The following SOX6 variants were observed in gnomAD, a reference collection of about 807,000 sequenced individuals.
SOX6 encodes SRY-box transcription factor 6.
A neutral mutation model predicts 97.8 loss-of-function variants in SOX6; 11 were observed. The observed-to-expected ratio is 0.11, with a 90% CI of 0.07 to 0.19. SOX6 has a LOEUF of 0.19. Ranked by LOEUF, SOX6 falls within the 10% of genes least tolerant of loss-of-function variation. The probability of loss-of-function intolerance (pLI) is 1.00; values close to 1 mark genes in which losing one functional copy is unlikely to be tolerated. For missense variants in SOX6, 810 were observed against 1,039.5 expected (o/e 0.78, Z 3.04); for synonymous variants, 360 against 371.4 (o/e 0.97, Z 0.35).
chr11:16,655,720 C>T (rs922560413), intron 3 of SOX6, among the ~76,000 whole-genome samples: 7 of 152,126 alleles, frequency 4.6e-5, no homozygotes, highest in Non-Finnish European at 8.8e-5. Context: ...CTTACATGCC[C>T]CTTCACTGGC....
chr11:15,988,236 T>C (rs934088602), intron 14 of SOX6, among the ~76,000 whole-genome samples: 2 of 152,226 alleles, frequency 1.3e-5, no homozygotes, highest in Admixed American at 1.3e-4. Context: ...GCATGTTGAA[T>C]AAAATATGTT....
intron 4 of SOX6, among the ~76,000 whole-genome samples, chr11:16,204,195 C>T (rs7125634): frequency 0.47 from 71,347 of 151,824 alleles, 16,999 homozygotes; most frequent in Middle Eastern, 0.65. Context: ...AAAGAGGATA[C>T]ATGATTGACC....
intron 4 of SOX6, among the ~76,000 whole-genome samples, chr11:16,523,549 A>G (rs1407609017): frequency 2.0e-5 from 3 of 152,092 alleles, no homozygotes; most frequent in African/African-American, 4.8e-5. Context: ...TAAAATTGAC[A>G]CCCTAACATC....
chr11:16,015,727 A>G (rs529023362), intron 12 of SOX6, among the ~76,000 whole-genome samples: 3 of 152,092 alleles, frequency 2.0e-5, no homozygotes, highest in Admixed American at 1.3e-4. Context: ...CTGAAGCACC[A>G]CAGTGAACAC....
chr11:16,523,195 C>T (rs1861100395), intron 4 of SOX6, among the ~76,000 whole-genome samples: 1 of 151,984 alleles, frequency 6.6e-6, no homozygotes. Flanking sequence ...TTCAGCACCA[C>T]ACCACACCTA....
At chr11:16,033,452 G>C (rs1007848620) in intron 12 of SOX6, among the ~76,000 whole-genome samples, 1 of 152,138 alleles carries the variant, frequency 6.6e-6, no homozygotes, top group Admixed American at 6.6e-5. Context: ...AAAGGCTCCT[G>C]TTCTTTATTT....
At chr11:16,006,587 T>A (rs1356430088) in intron 13 of SOX6, among the ~76,000 whole-genome samples, 3 of 152,174 alleles carry the variant, frequency 2.0e-5, no homozygotes, top group African/African-American at 7.2e-5. Flanking sequence ...TTCTCTTTGC[T>A]TATCCAAACC....
At chr11:16,414,517 T>C (rs1350729487) in intron 1 of SOX6, among the ~76,000 whole-genome samples, 1 of 152,134 alleles carries the variant, frequency 6.6e-6, no homozygotes, top group African/African-American at 2.4e-5. Context: ...ATGGGCATTA[T>C]ATATGGTCAT....
Position 16,613,532 on chromosome 11 carries a change from G to C in SOX6, n.430-1272C>G, listed in dbSNP as rs1233437400. On this transcript the variant is annotated intron_variant and non_coding_transcript_variant, in intron 3 of 5. Transcript: ENST00000524520. This position sits in a 1 kb window ranked among gnomAD's most constrained non-coding sequence, Gnocchi z 4.6. ...GCTCGGCCTGAGGGCTCAGGTGATG[G>C]AGAGGAGGCTCGCGGCGTCCCAAAC... 6.6e-6 allele frequency among the ~76,000 whole-genome samples: 1 copy of C among 152,104 alleles called. No individual in the cohort carries two copies. Among genetic ancestry groups the C allele is most frequent in the Non-Finnish European group, 1.5e-5 (1 of 68,014 alleles).
At chr11:16,234,728 T>A (rs536863657) in intron 3 of SOX6, 57 bp from the exon 4 acceptor site, 125 of 1,049,346 alleles carry the variant, frequency 1.2e-4, no homozygotes, top group Non-Finnish European at 1.7e-4. Context: ...ATTTAGAAAG[T>A]CAGTTTATGG....
intron 3 of SOX6, among the ~76,000 whole-genome samples, chr11:16,655,693 T>C (rs1847710641): frequency 6.6e-6 from 1 of 152,250 alleles, no homozygotes; most frequent in African/African-American, 2.4e-5. Flanking sequence ...AGAAATATGT[T>C]AGCATTGCTG....
intron 2 of SOX6, 34 bp downstream of exon 2, chr11:16,340,978 A>G (rs1251334740): frequency 6.2e-7 from 1 of 1,612,726 alleles, no homozygotes; most frequent in Non-Finnish European, 8.5e-7. Context: ...TAAGGAATGC[A>G]TTTAGTGGCA....
chr11:16,035,010 A>G (rs1480876165), intron 12 of SOX6, among the ~76,000 whole-genome samples: 1 of 152,200 alleles, frequency 6.6e-6, no homozygotes, highest in African/African-American at 2.4e-5. Flanking sequence ...ATACACACAC[A>G]AGGAACAGAC....
intron 4 of SOX6, among the ~76,000 whole-genome samples, chr11:16,233,799 A>G (rs371421842): frequency 6.6e-6 from 1 of 151,994 alleles, no homozygotes. Flanking sequence ...CACGAGGTCA[A>G]GAGATCAAGA....
At chr11:16,419,274 C>T (rs1858984026) in intron 1 of SOX6, among the ~76,000 whole-genome samples, 1 of 152,066 alleles carries the variant, frequency 6.6e-6, no homozygotes, top group South Asian at 2.1e-4. Context: ...GGTTTTGTAG[C>T]TTCTTTGCCC....
intron 6 of SOX6, among the ~76,000 whole-genome samples, chr11:16,139,725 AT>A (rs1462745281): frequency 1.3e-5 from 2 of 151,732 alleles, no homozygotes; most frequent in Non-Finnish European, 2.9e-5. Flanking sequence ...ATTGGAGTGT[AT>A]TTTGCTTCTA....
chr11:16,429,574 G>A (rs1279582526), intron 1 of SOX6, among the ~76,000 whole-genome samples: 2 of 152,156 alleles, frequency 1.3e-5, no homozygotes, highest in Non-Finnish European at 2.9e-5. Flanking sequence ...ACTAAAGCAG[G>A]AGCAGAAAAC....
chr11:16,483,953 T>C, intron 4 of SOX6: 1 of 859,002 alleles, frequency 1.2e-6, no homozygotes. Context: ...ACCTGGGCTG[T>C]AGTTTTATTG....
intron 6 of SOX6, among the ~76,000 whole-genome samples, chr11:16,145,443 G>C (rs1431141379): frequency 6.6e-6 from 1 of 152,156 alleles, no homozygotes; most frequent in Non-Finnish European, 1.5e-5. Context: ...ACTGGCACAA[G>C]ACAGGGATGC....
Sources: allele counts gnomAD v4.1 joint callset (sites outside exome capture counted in the v4.1 genomes callset), GRCh38; gene constraint gnomAD v4.1.1; non-coding constraint Gnocchi (gnomAD v3.1); transcripts MANE v1.5; gene names NCBI Gene and HGNC (gene_info 2026-07-23, HGNC 2026-07-21).